DAB1: variants seen among roughly 807,000 people sequenced by gnomAD.
DAB1 encodes the protein DAB adaptor protein 1.
A neutral mutation model predicts 64.6 loss-of-function variants in DAB1; 15 were observed. The ratio of observed to expected loss-of-function variants is 0.23; its 90% CI spans 0.16 to 0.36. DAB1 has a LOEUF of 0.36. Ranked by LOEUF, DAB1 falls within the 10% of genes least tolerant of loss-of-function variation. DAB1 has a pLI of 1.00. For synonymous variants in DAB1, 235 were observed against 251.9 expected, an observed-to-expected ratio of 0.93 and a Z score of 0.64; for missense variants, 596 against 706.7, an observed-to-expected ratio of 0.84 and a Z score of 1.78.
At chr1:57,991,482 C>T (rs1452665152) in intron 5 of DAB1, among the ~76,000 whole-genome samples, 1 of 152,076 alleles carries the variant, frequency 6.6e-6, no homozygotes, top group African/African-American at 2.4e-5. Flanking sequence ...GACAGGAACA[C>T]CATTGTATGA....
At chr1:58,210,228 G>A (rs556687503) in intron 4 of DAB1, among the ~76,000 whole-genome samples, 3 of 152,268 alleles carry the variant, frequency 2.0e-5, no homozygotes, top group South Asian at 4.1e-4. Flanking sequence ...CATAGCTGAA[G>A]TCTGTTACCT....
intron 2 of DAB1, among the ~76,000 whole-genome samples, chr1:57,190,453 T>C (rs1024878856): frequency 6.6e-6 from 1 of 152,138 alleles, no homozygotes; most frequent in Non-Finnish European, 1.5e-5. Context: ...CTGGTCATGA[T>C]GAACATAGCT....
chr1:57,499,958 T>C (rs2101310857), intron 7 of DAB1, among the ~76,000 whole-genome samples: 1 of 152,338 alleles, frequency 6.6e-6, no homozygotes, highest in South Asian at 2.1e-4. Context: ...AGATACCTGA[T>C]AAATGGTAAA....
intron 5 of DAB1, among the ~76,000 whole-genome samples, chr1:58,133,342 C>T (rs1653753553): frequency 6.6e-6 from 1 of 152,228 alleles, no homozygotes; most frequent in Non-Finnish European, 1.5e-5. Flanking sequence ...AAAGGTCACT[C>T]AGGAATCGTA....
At chr1:57,694,463 T>C (rs3131773) in intron 6 of DAB1, among the ~76,000 whole-genome samples, 110,571 of 151,902 alleles carry the variant, frequency 0.73, 40,995 homozygotes, top group East Asian at 0.93. Context: ...GCAGATAATA[T>C]AGAGAAACAA....
chr1:57,524,744 T>C (rs938311353), intron 7 of DAB1, among the ~76,000 whole-genome samples: 1 of 152,168 alleles, frequency 6.6e-6, no homozygotes, highest in Admixed American at 6.5e-5. Context: ...ATGTCATCAG[T>C]TAAGGTTATT....
At chr1:57,646,027 G>A (rs558198941) in intron 7 of DAB1, among the ~76,000 whole-genome samples, 2 of 149,904 alleles carry the variant, frequency 1.3e-5, no homozygotes, top group South Asian at 4.3e-4. Context: ...CTAAAGGGAA[G>A]AACTGAAGAA....
intron 5 of DAB1, among the ~76,000 whole-genome samples, chr1:57,994,652 G>A (rs955192394): frequency 4.6e-5 from 7 of 152,168 alleles, no homozygotes; most frequent in East Asian, 1.9e-4. Context: ...GGCATTATTC[G>A]GATGGAATAG....
At chr1:58,398,581 T>C (rs1644543168) in intron 3 of DAB1, among the ~76,000 whole-genome samples, 1 of 152,256 alleles carries the variant, frequency 6.6e-6, no homozygotes, top group African/African-American at 2.4e-5. Context: ...TACCACATTT[T>C]AGGCACATGC....
At chr1:58,390,709 C>T (rs538904073) in intron 3 of DAB1, among the ~76,000 whole-genome samples, 3 of 152,258 alleles carry the variant, frequency 2.0e-5, no homozygotes, top group Admixed American at 2.0e-4. Flanking sequence ...AGGCCCTGTA[C>T]TAGGCATTTT....
intron 5 of DAB1, among the ~76,000 whole-genome samples, chr1:58,014,655 G>A (rs748121644): frequency 3.3e-5 from 5 of 152,328 alleles, no homozygotes; most frequent in Non-Finnish European, 7.3e-5. Flanking sequence ...TTCCATGGGA[G>A]TCTCCTGACA....
Position 57,583,268 on chromosome 1 carries a change from G to C in DAB1, n.625+66324C>G, listed in dbSNP as rs375046118. Among the ~76,000 whole-genome samples, 6 of 150,938 alleles carry C rather than the reference G, an allele frequency of 4.0e-5. No homozygotes were observed. The South Asian group carries it at 8.4e-4, about 21-fold the overall frequency. The stretch of plus-strand genomic sequence containing the variant: ...TAGACACATGCCCTCTCTGAGCCTC[G>C]GTTTCTTGTTTTTTTTCTTTTCTTT... On this transcript the variant is annotated intron_variant and non_coding_transcript_variant, in intron 7 of 20. Transcript: ENST00000485760.
At chr1:57,630,523 C>A (rs941048314) in intron 7 of DAB1, among the ~76,000 whole-genome samples, 7 of 152,114 alleles carry the variant, frequency 4.6e-5, no homozygotes, top group African/African-American at 1.7e-4. Context: ...GTAGGGTTAT[C>A]TACTAAGAGA....
At chr1:57,823,045 C>A (rs964310039), downstream of DAB1, among the ~76,000 whole-genome samples, 1 of 143,002 alleles carries the variant, frequency 7.0e-6, no homozygotes, top group African/African-American at 2.6e-5. Context: ...AGTGCAGTGG[C>A]GCGATCTTGG....
At chr1:57,646,776 A>C (rs1347698414) in intron 7 of DAB1, among the ~76,000 whole-genome samples, 1 of 152,134 alleles carries the variant, frequency 6.6e-6, no homozygotes, top group Non-Finnish European at 1.5e-5. Flanking sequence ...ACAAAACCCC[A>C]AAATACTCTG....
intron 5 of DAB1, among the ~76,000 whole-genome samples, chr1:58,129,784 AT>A (rs1653401576): frequency 6.6e-6 from 1 of 151,874 alleles, no homozygotes; most frequent in South Asian, 2.1e-4. Flanking sequence ...GAGATTCTTA[AT>A]CCTGAGTTCT....
chr1:57,119,030 A>G (rs142459322), intron 4 of DAB1, among the ~76,000 whole-genome samples: 9 of 152,326 alleles, frequency 5.9e-5, no homozygotes, highest in African/African-American at 2.2e-4. Context: ...ACCTACAAAG[A>G]TAAGTGCTAA....
intron 3 of DAB1, among the ~76,000 whole-genome samples, chr1:58,497,801 C>T (rs1372895687): frequency 6.6e-6 from 1 of 152,150 alleles, no homozygotes; most frequent in Non-Finnish European, 1.5e-5. Flanking sequence ...TCCTGACCAC[C>T]TCTCTACAAC....
intron 6 of DAB1, among the ~76,000 whole-genome samples, chr1:57,742,616 A>G (rs1219485981): frequency 6.6e-6 from 1 of 152,176 alleles, no homozygotes; most frequent in Non-Finnish European, 1.5e-5. Flanking sequence ...TGGGCTCTCC[A>G]CAGGCCTGTT....
Sources: gnomAD v4.1 joint callset for allele counts (sites outside exome capture counted in the v4.1 genomes callset) on GRCh38, gnomAD v4.1.1 for gene constraint, MANE v1.5 for transcripts, NCBI Gene and HGNC (gene_info 2026-07-23, HGNC 2026-07-21) for gene names.